SHANK2: variants seen among roughly 807,000 people sequenced by gnomAD.
SHANK2 encodes the protein SH3 and multiple ankyrin repeat domains 2.
A neutral mutation model predicts 133.7 loss-of-function variants in SHANK2; 43 were observed. The observed-to-expected ratio is 0.32, with a 90% confidence interval of 0.25 to 0.41. The LOEUF (loss-of-function observed/expected upper bound fraction) is 0.41, where lower values mean the gene tolerates loss of function less well. Ranked by LOEUF, SHANK2 falls within the 10% of genes least tolerant of loss-of-function variation. The pLI is 1.00. For synonymous variants in SHANK2, 1,017 were observed against 952.8 expected (o/e 1.07, Z -1.24); for missense variants, 1,994 against 2,235.8 (o/e 0.89, Z 2.18).
chr11:70,674,497 C>G (rs936110122), intron 15 of SHANK2, among the ~76,000 whole-genome samples: 1 of 152,148 alleles, frequency 6.6e-6, no homozygotes, highest in Non-Finnish European at 1.5e-5. Context: ...TATGGGAGCC[C>G]GCCACCAGGC....
intron 9 of SHANK2, among the ~76,000 whole-genome samples, chr11:71,062,023 C>T (rs1296718748): frequency 1.6e-5 from 2 of 127,282 alleles, no homozygotes; most frequent in Non-Finnish European, 1.6e-5. Context: ...CTGGTGCAAT[C>T]TCGGCTCACT....
chr11:71,092,350 T>G (rs969735289), intron 8 of SHANK2, 72 bp downstream of exon 8: 15 of 1,521,182 alleles, frequency 9.9e-6, no homozygotes, highest in Non-Finnish European at 1.2e-5. Flanking sequence ...CCACCCTGCT[T>G]ATCTGCGGGA....
chr11:70,532,267 G>A (rs577728303), intron 17 of SHANK2, among the ~76,000 whole-genome samples: 1 of 152,282 alleles, frequency 6.6e-6, no homozygotes, highest in African/African-American at 2.4e-5. Context: ...GTGTCAGCAG[G>A]CAGGACTGCC....
chr11:71,231,890 G>GAA (rs1236313299), intron 1 of SHANK2, among the ~76,000 whole-genome samples: 61 of 139,540 alleles, frequency 4.4e-4, no homozygotes, highest in African/African-American at 1.5e-3. Flanking sequence ...TGTCTTCAAG[G>GAA]AAAAAAAAAA....
chr11:70,783,551 T>A (rs140214535), intron 14 of SHANK2, among the ~76,000 whole-genome samples: 1 of 151,646 alleles, frequency 6.6e-6, no homozygotes, highest in African/African-American at 2.4e-5. Context: ...GGCTCACGAG[T>A]GGGCAGAGTC....
chr11:70,779,016 T>C (rs1384081786), intron 14 of SHANK2, among the ~76,000 whole-genome samples: 5 of 151,766 alleles, frequency 3.3e-5, no homozygotes, highest in South Asian at 4.2e-4. Flanking sequence ...CAGGTTGCCA[T>C]AGTAACCCAG....
At chr11:70,825,661 G>C (rs965125367) in intron 11 of SHANK2, among the ~76,000 whole-genome samples, 1 of 152,158 alleles carries the variant, frequency 6.6e-6, no homozygotes, top group Non-Finnish European at 1.5e-5. Context: ...ACGAGCTGGG[G>C]CTGGGAAGTA....
intron 14 of SHANK2, among the ~76,000 whole-genome samples, chr11:70,740,553 G>A (rs557498558): frequency 5.3e-4 from 81 of 152,236 alleles, no homozygotes; most frequent in Non-Finnish European, 9.1e-4. Context: ...GGGGTGATGC[G>A]TCAGAGGAAC....
At chr11:70,943,353 G>A (rs1950674262) in intron 10 of SHANK2, among the ~76,000 whole-genome samples, 1 of 152,148 alleles carries the variant, frequency 6.6e-6, no homozygotes, top group Non-Finnish European at 1.5e-5. Flanking sequence ...CCATGAAACT[G>A]GCTAGGACTA....
intron 14 of SHANK2, among the ~76,000 whole-genome samples, chr11:70,699,300 C>T (rs1290059628): frequency 1.3e-5 from 2 of 150,684 alleles, no homozygotes; most frequent in African/African-American, 4.9e-5. Context: ...ATTAAGTCCT[C>T]TGCTTGCTCC....
chr11:71,126,285 G>A (rs111869714), intron 3 of SHANK2, among the ~76,000 whole-genome samples: 7,222 of 145,802 alleles, frequency 0.05, 532 homozygotes, highest in African/African-American at 0.17. Context: ...AAATGGAACA[G>A]CAAAGCCTGG....
intron 2 of SHANK2, among the ~76,000 whole-genome samples, chr11:71,165,103 G>A (rs566551464): frequency 4.6e-5 from 7 of 150,790 alleles, no homozygotes; most frequent in Admixed American, 2.6e-4. Flanking sequence ...GCACGATCTC[G>A]GTTCATTGCA....
At chr11:70,950,404 T>A (rs1950815821) in intron 10 of SHANK2, among the ~76,000 whole-genome samples, 1 of 152,194 alleles carries the variant, frequency 6.6e-6, no homozygotes, top group South Asian at 2.1e-4. Flanking sequence ...TTGGCCAGGC[T>A]GGTCTCGAAC....
At chr11:70,774,387 T>G (rs1324702245) in intron 14 of SHANK2, among the ~76,000 whole-genome samples, 1 of 152,002 alleles carries the variant, frequency 6.6e-6, no homozygotes, top group Non-Finnish European at 1.5e-5. Flanking sequence ...TGGTGCCATC[T>G]CGGCTTACTG....
At chr11:71,185,107 G>A (rs1350874372) in intron 2 of SHANK2, among the ~76,000 whole-genome samples, 1 of 152,164 alleles carries the variant, frequency 6.6e-6, no homozygotes, top group Non-Finnish European at 1.5e-5. Context: ...GGGTACCGGT[G>A]GGGGCCTCAG....
At chr11:70,819,727 C>CT (rs1555055311) in intron 12 of SHANK2, among the ~76,000 whole-genome samples, 1 of 152,136 alleles carries the variant, frequency 6.6e-6, no homozygotes, top group Non-Finnish European at 1.5e-5. Context: ...GGGGCTGCTT[C>CT]AGAGACTGAC....
chr11:71,141,176 T>C (rs1355779610), intron 3 of SHANK2, among the ~76,000 whole-genome samples: 2 of 152,176 alleles, frequency 1.3e-5, no homozygotes, highest in Non-Finnish European at 2.9e-5. Context: ...ACGGGACACA[T>C]GCCCTGTGGA....
intron 2 of SHANK2, among the ~76,000 whole-genome samples, chr11:71,215,903 C>A (rs1052586491): frequency 2.6e-5 from 4 of 152,184 alleles, no homozygotes; most frequent in African/African-American, 4.8e-5. Context: ...CAAATCAAAT[C>A]TTTCGAACCA....
intron 10 of SHANK2, among the ~76,000 whole-genome samples, chr11:70,906,758 TA>T (rs782149275): frequency 7.2e-5 from 11 of 152,164 alleles, no homozygotes; most frequent in Non-Finnish European, 1.5e-4. Flanking sequence ...ATGTTTTAAT[TA>T]CAGGCATCCT....
Sources: gnomAD v4.1 joint callset for allele counts (sites outside exome capture counted in the v4.1 genomes callset) on GRCh38, gnomAD v4.1.1 for gene constraint, MANE v1.5 for transcripts, NCBI Gene and HGNC (gene_info 2026-07-23, HGNC 2026-07-21) for gene names.